The following CMPK2 variants were observed in gnomAD, a reference collection of about 807,000 sequenced individuals.
The protein encoded by CMPK2 is UMP-CMP kinase 2, mitochondrial.
In CMPK2, 32 loss-of-function variants were observed where a neutral mutation model predicts 33.4. The observed-to-expected ratio is 0.96, with a 90% CI of 0.72 to 1.29. The LOEUF is 1.29. CMPK2 is among the 50% of genes most tolerant of loss of function. The probability of loss-of-function intolerance (pLI) is 0.00; values close to 1 mark genes in which losing one functional copy is unlikely to be tolerated. For synonymous variants in CMPK2, 299 were observed against 275.3 expected, an observed-to-expected ratio of 1.09 and a Z score of -0.85; for missense variants, 672 against 616.0, an observed-to-expected ratio of 1.09 and a Z score of -0.96.
intron 4 of CMPK2, 24 bp downstream of exon 4, chr2:6,851,426 A>G: frequency 6.2e-7 from 1 of 1,614,098 alleles, no homozygotes; most frequent in Non-Finnish European, 8.5e-7. Flanking sequence ...TGCCGCTCAC[A>G]TTGCATTGCA....
At chr2:6,862,836 C>T (rs568711779) in intron 2 of CMPK2, among the ~76,000 whole-genome samples, 6 of 152,314 alleles carry the variant, frequency 3.9e-5, no homozygotes, top group African/African-American at 7.2e-5. Flanking sequence ...GAAACTCCTA[C>T]GCTGAACCAC....
chr2:6,854,848 G>A (rs960020610), intron 3 of CMPK2, among the ~76,000 whole-genome samples: 2 of 152,126 alleles, frequency 1.3e-5, no homozygotes, highest in Non-Finnish European at 1.5e-5. Flanking sequence ...GCAGGGAAGG[G>A]GGCATGAGTA....
chr2:6,841,133 G>A (rs189484158), intron 3 of CMPK2, among the ~76,000 whole-genome samples: 1 of 152,250 alleles, frequency 6.6e-6, no homozygotes, highest in East Asian at 1.9e-4. Flanking sequence ...TGCCTTAAAT[G>A]AGGGGCCATT....
At chr2:6,853,867 A>G (rs552073586) in intron 3 of CMPK2, among the ~76,000 whole-genome samples, 26 of 152,018 alleles carry the variant, frequency 1.7e-4, no homozygotes, top group African/African-American at 6.3e-4. Context: ...GCGCCACTGC[A>G]CTCCAGCCTG....
intron 2 of CMPK2, among the ~76,000 whole-genome samples, chr2:6,861,764 C>T (rs746012369): frequency 1.3e-5 from 2 of 152,232 alleles, no homozygotes; most frequent in East Asian, 1.9e-4. Context: ...CAACTCTTCT[C>T]GCCCCTCCTC....
chr2:6,865,781 A>C lies in CMPK2; in HGVS notation c.-85T>G, dbSNP rs1413260023. The C allele has an allele frequency of 3.2e-6, 4 of 1,254,330 alleles. No individual in the cohort carries two copies. The African/African-American group carries it at 6.3e-5, about 20-fold the overall frequency. 77.7% of individuals were successfully genotyped at this position (1,254,330 alleles called of 1,614,324 possible). A position where few individuals can be genotyped will look rare whatever the true frequency, so the allele number is the denominator to read the frequency against. On this transcript the variant is annotated 5_prime_UTR_variant, in exon 1 of 5. Coordinates refer to ENST00000256722, the MANE Select transcript of CMPK2 (RefSeq NM_207315.4). ...GGCGCCGGCGGGAAACGAAACCCGG[A>C]GGGAGCCAGGCGCCAGCGGGAAACG...
At chr2:6,840,816 T>C in intron 3 of CMPK2, 1 of 612,358 alleles carries the variant, frequency 1.6e-6, no homozygotes, top group Non-Finnish European at 2.9e-6. Context: ...GGAGGTTACA[T>C]GTTTAACCAA....
chr2:6,849,705 GT>G lies in CMPK2; in HGVS notation c.*144del. 1 of 1,517,212 alleles carries G rather than the reference GT, an allele frequency of 6.6e-7. No individual in the cohort carries two copies. The highest frequency in any genetic ancestry group is 8.7e-7 in the Non-Finnish European group (1 of 1,144,656). The allele number at this position is 1,517,212 out of a possible 1,614,324, so 94.0% of individuals were successfully genotyped here. A position where few individuals can be genotyped will look rare whatever the true frequency, so the allele number is the denominator to read the frequency against. On this transcript the variant is annotated 3_prime_UTR_variant, in exon 5 of 5. Coordinates refer to ENST00000256722, the MANE Select transcript of CMPK2 (RefSeq NM_207315.4). ...GTCAGAAGAGGGTACGATGGCTGAA[GT>G]AAAATTAAGATGCCTGGTCTCCAGT...
chr2:6,847,604 GC>G (rs550157102), downstream of CMPK2, among the ~76,000 whole-genome samples: 13 of 152,170 alleles, frequency 8.5e-5, no homozygotes, highest in Admixed American at 7.9e-4. Flanking sequence ...TGACTGGTGG[GC>G]CGAGGGCTCT....
intron 3 of CMPK2, among the ~76,000 whole-genome samples, chr2:6,855,014 A>T (rs2103221937): frequency 6.6e-6 from 1 of 152,140 alleles, no homozygotes; most frequent in East Asian, 2.0e-4. Context: ...TTCTCTTGGA[A>T]ATAAAGGGGA....
chr2:6,846,345 C>T (rs937082643), downstream of CMPK2, among the ~76,000 whole-genome samples: 1 of 152,160 alleles, frequency 6.6e-6, no homozygotes, highest in Non-Finnish European at 1.5e-5. Flanking sequence ...GTGAAAGATC[C>T]TCCCATATGG....
chr2:6,865,928 T>C, upstream of CMPK2: 1 of 1,381,254 alleles, frequency 7.2e-7, no homozygotes, highest in East Asian at 3.6e-5. Context: ...CGGCCGGCGC[T>C]CGGGAGCAGA....
At chr2:6,858,307 A>G (rs953717576) in intron 3 of CMPK2, among the ~76,000 whole-genome samples, 1 of 151,526 alleles carries the variant, frequency 6.6e-6, no homozygotes, top group Non-Finnish European at 1.5e-5. Context: ...TTTTTAGCAC[A>G]TTACTTTGAT....
chr2:6,860,644 C>T (rs1469890029), intron 3 of CMPK2, among the ~76,000 whole-genome samples: 1 of 152,212 alleles, frequency 6.6e-6, no homozygotes, highest in Admixed American at 6.5e-5. Flanking sequence ...CATTAAACTG[C>T]TCTCTTTTGT....
chr2:6,847,886 C>T (rs928009144), downstream of CMPK2, among the ~76,000 whole-genome samples: 2 of 152,156 alleles, frequency 1.3e-5, no homozygotes, highest in Non-Finnish European at 2.9e-5. Flanking sequence ...CTAAATATTA[C>T]ATTACCATGG....
At chr2:6,863,896 C>T (rs1162797658) in intron 1 of CMPK2, among the ~76,000 whole-genome samples, 2 of 152,234 alleles carry the variant, frequency 1.3e-5, no homozygotes, top group Non-Finnish European at 2.9e-5. Context: ...CATGGAACTA[C>T]AGGCCCGCTG....
At position 6,849,344 on chromosome 2, in the gene CMPK2, C is replaced by T. The variant is rs947364539; in HGVS notation, c.*506G>A. The T allele has an allele frequency of 1.0e-6, 1 of 986,436 alleles. No individual in the cohort carries two copies. Among genetic ancestry groups the T allele is most frequent in the Non-Finnish European group, 1.2e-6 (1 of 830,714 alleles). 61.1% of individuals were successfully genotyped at this position (986,436 alleles called of 1,614,324 possible). On this transcript the variant is annotated 3_prime_UTR_variant, in exon 5 of 5. Transcript: ENST00000256722. ...CACATAGACAGCCTCTGCAGGAACA[C>T]TTGGCTCTAGAATTTGGGACTGAGG...
rs199745894 is a variant in CMPK2, at chr2:6,861,275, T to G, written c.901A>C (p.Ile301Leu). 6.2e-7 allele frequency: 1 copy of G among 1,613,944 alleles called. No homozygotes were observed. The highest frequency in any genetic ancestry group is 8.5e-7 in the Non-Finnish European group (1 of 1,179,942). ...WRKIFDDEPT[I>L]IRRAFYSLGN... ...AAAGAGTAAAAAGCTCTTCTAATGA[T>G]AGTTGGTTCATCATCAAAGATCTTC... Residue 301 changes from isoleucine to leucine, a missense_variant, in exon 3 of 5, where the codon ATC becomes CTC. Transcript: ENST00000256722.
At chr2:6,853,715 A>G (rs898431442) in intron 3 of CMPK2, among the ~76,000 whole-genome samples, 8 of 152,122 alleles carry the variant, frequency 5.3e-5, no homozygotes, top group African/African-American at 1.9e-4. Context: ...ATCCTGGCTA[A>G]CATGGTGAAA....
Sources: allele counts gnomAD v4.1 joint callset (sites outside exome capture counted in the v4.1 genomes callset), GRCh38; gene constraint gnomAD v4.1.1; transcripts MANE v1.5; gene names NCBI Gene and HGNC (gene_info 2026-07-23, HGNC 2026-07-21).